The following TMPRSS9 variants were observed in gnomAD, a reference collection of about 807,000 sequenced individuals.
TMPRSS9 encodes the protein transmembrane protease serine 9.
A neutral mutation model predicts 111.4 loss-of-function variants in TMPRSS9; 113 were observed. The observed-to-expected ratio is 1.01, with a 90% CI of 0.87 to 1.19. The LOEUF is 1.19. TMPRSS9 is among the 50% of genes most tolerant of loss of function. TMPRSS9 has a pLI of 0.00. For missense variants in TMPRSS9, 1,803 were observed against 1,513.1 expected, an observed-to-expected ratio of 1.19 and a Z score of -3.18; for synonymous variants, 805 against 659.1, an observed-to-expected ratio of 1.22 and a Z score of -3.39.
intron 12 of TMPRSS9, among the ~76,000 whole-genome samples, chr19:2,417,295 G>A (rs180889969): frequency 3.4e-4 from 52 of 152,042 alleles, no homozygotes; most frequent in African/African-American, 1.1e-3. Flanking sequence ...GTGAAACCCC[G>A]TCTCTACTAG....
At chr19:2,362,599 T>G (rs1970209548) in intron 1 of TMPRSS9, among the ~76,000 whole-genome samples, 1 of 152,182 alleles carries the variant, frequency 6.6e-6, no homozygotes, top group Non-Finnish European at 1.5e-5. Flanking sequence ...TGATTGCATA[T>G]GATTGTGGCA....
chr19:2,402,143 A>G, intron 5 of TMPRSS9, 127 bp downstream of exon 6: 1 of 711,476 alleles, frequency 1.4e-6, no homozygotes, highest in Non-Finnish European at 2.2e-6. Context: ...CTGTCGTCCC[A>G]GCACTTCAGG....
chr19:2,425,129 G>A, exon 16 of TMPRSS9: 1 of 1,581,970 alleles, frequency 6.3e-7, no homozygotes, highest in South Asian at 1.1e-5. Context: ...GCTCGACTAC[G>A]ACGTGGCGCT....
chr19:2,424,971 G>T (rs780496349), intron 15 of TMPRSS9, 31 bp from the exon 17 acceptor site: 2 of 1,457,876 alleles, frequency 1.4e-6, no homozygotes, highest in South Asian at 2.7e-5. Context: ...GTGGGGGCTC[G>T]GGCCGACGCC....
At chr19:2,408,438 G>A (rs762367787) in exon 8 of TMPRSS9, 11 of 1,613,778 alleles carry the variant, frequency 6.8e-6, no homozygotes, top group African/African-American at 4.0e-5. Flanking sequence ...GCGGGCCCAG[G>A]TGGTCCAGAT....
chr19:2,390,445 G>A (rs1292646370), intron 1 of TMPRSS9, among the ~76,000 whole-genome samples: 3 of 149,004 alleles, frequency 2.0e-5, no homozygotes, highest in East Asian at 2.0e-4. Context: ...GGGTTTCACC[G>A]TGTTAGCCAG....
intron 1 of TMPRSS9, among the ~76,000 whole-genome samples, chr19:2,366,876 A>AT (rs1156269651): frequency 6.6e-6 from 1 of 150,482 alleles, no homozygotes; most frequent in Non-Finnish European, 1.5e-5. Flanking sequence ...AAAAAAAAAA[A>AT]GACATGGGCC....
At chr19:2,373,087 C>T (rs1161797785) in intron 1 of TMPRSS9, among the ~76,000 whole-genome samples, 1 of 152,158 alleles carries the variant, frequency 6.6e-6, no homozygotes, top group African/African-American at 2.4e-5. Context: ...CCCTCCTTGG[C>T]CTCCCAAGGT....
At chr19:2,405,242 C>CCCT in intron 6 of TMPRSS9, 132 bp from the exon 8 acceptor site, 1 of 1,212,474 alleles carries the variant, frequency 8.2e-7, no homozygotes, top group South Asian at 1.7e-5. Flanking sequence ...GTCAGGGAAG[C>CCCT]CAAGGAGGGG....
chr19:2,400,358 A>T (rs1970806458), intron 4 of TMPRSS9, among the ~76,000 whole-genome samples: 1 of 152,058 alleles, frequency 6.6e-6, no homozygotes, highest in African/African-American at 2.4e-5. Flanking sequence ...CCTGGCCAAC[A>T]TGGCGAAACC....
At chr19:2,384,015 C>T (rs1384463726) in intron 1 of TMPRSS9, among the ~76,000 whole-genome samples, 1 of 152,104 alleles carries the variant, frequency 6.6e-6, no homozygotes, top group African/African-American at 2.4e-5. Context: ...ATCTGCCCAC[C>T]GAGGCCTGGT....
intron 1 of TMPRSS9, among the ~76,000 whole-genome samples, chr19:2,362,443 C>T (rs1599271753): frequency 6.6e-6 from 1 of 150,692 alleles, no homozygotes; most frequent in East Asian, 2.0e-4. Flanking sequence ...ATGTGTGAGA[C>T]CGTGTATGGT....
chr19:2,378,878 A>C (rs907415433), intron 1 of TMPRSS9, among the ~76,000 whole-genome samples: 1 of 152,202 alleles, frequency 6.6e-6, no homozygotes, highest in Non-Finnish European at 1.5e-5. Flanking sequence ...GAGAAGAATG[A>C]AAGCCCAACA....
At chr19:2,405,748 C>T (rs1970955519) in intron 7 of TMPRSS9, among the ~76,000 whole-genome samples, 1 of 149,942 alleles carries the variant, frequency 6.7e-6, no homozygotes, top group Non-Finnish European at 1.5e-5. Context: ...CTCTGTTGTC[C>T]AGGCTGGAGT....
intron 10 of TMPRSS9, among the ~76,000 whole-genome samples, chr19:2,414,441 T>C (rs1281957618): frequency 6.6e-6 from 1 of 152,038 alleles, no homozygotes; most frequent in African/African-American, 2.4e-5. Context: ...GGTTTCCCCA[T>C]GTTGGTCAGG....
intron 2 of TMPRSS9, among the ~76,000 whole-genome samples, chr19:2,397,301 AT>A (rs1302765659): frequency 1.4e-5 from 2 of 147,750 alleles, no homozygotes; most frequent in Non-Finnish European, 3.0e-5. Flanking sequence ...ATTTTATTTT[AT>A]TTTTTTGAGA....
intron 1 of TMPRSS9, among the ~76,000 whole-genome samples, chr19:2,380,329 C>T (rs1970376570): frequency 6.6e-6 from 1 of 151,788 alleles, no homozygotes. Flanking sequence ...GGTACAGTGG[C>T]TCATGCCTGT....
upstream of TMPRSS9, among the ~76,000 whole-genome samples, chr19:2,386,811 G>T (rs1030539324): frequency 7.9e-5 from 12 of 151,118 alleles, no homozygotes; most frequent in African/African-American, 2.9e-4. Context: ...GGCCAATATG[G>T]TGAAACCCCA....
chr19:2,400,955 A>G (rs1179898065), intron 4 of TMPRSS9, among the ~76,000 whole-genome samples: 5 of 136,954 alleles, frequency 3.7e-5, no homozygotes, highest in South Asian at 4.6e-4. Context: ...TAGCCTGGGT[A>G]ACAGAGTGAG....
Sources: allele counts gnomAD v4.1 joint callset (sites outside exome capture counted in the v4.1 genomes callset), GRCh38; gene constraint gnomAD v4.1.1; transcripts MANE v1.5; gene names NCBI Gene and HGNC (gene_info 2026-07-23, HGNC 2026-07-21).